AGBL4: variants seen among roughly 807,000 people sequenced by gnomAD.
AGBL4 encodes the protein AGBL carboxypeptidase 4.
A neutral mutation model predicts 66.4 loss-of-function variants in AGBL4; 58 were observed. The observed-to-expected ratio is 0.87, with a 90% CI of 0.71 to 1.09. The LOEUF (loss-of-function observed/expected upper bound fraction) is 1.09, where lower values mean the gene tolerates loss of function less well. AGBL4 is among the 50% of genes least tolerant of loss of function. The pLI, the probability that AGBL4 is intolerant of heterozygous loss-of-function variation, is 0.00. For synonymous variants in AGBL4, 234 were observed against 222.9 expected (o/e 1.05, Z -0.44); for missense variants, 579 against 631.0 (o/e 0.92, Z 0.88).
intron 4 of AGBL4, among the ~76,000 whole-genome samples, chr1:49,210,828 G>C (rs541009060): frequency 6.6e-6 from 1 of 152,200 alleles, no homozygotes; most frequent in South Asian, 2.1e-4. Context: ...CCTGCTGTGA[G>C]TCCTATGTGG....
At chr1:48,874,878 C>G (rs766488783) in intron 5 of AGBL4, among the ~76,000 whole-genome samples, 11 of 152,178 alleles carry the variant, frequency 7.2e-5, no homozygotes, top group South Asian at 2.1e-4. Context: ...TGTGCACCAC[C>G]ACCTTACCTG....
intron 5 of AGBL4, among the ~76,000 whole-genome samples, chr1:48,899,452 G>A (rs1233240929): frequency 4.1e-5 from 6 of 146,430 alleles, no homozygotes; most frequent in African/African-American, 1.3e-4. Context: ...TCTCCTCTAA[G>A]CCGCATTTCC....
chr1:49,766,997 G>C (rs893682418), intron 2 of AGBL4, among the ~76,000 whole-genome samples: 1 of 151,996 alleles, frequency 6.6e-6, no homozygotes, highest in Non-Finnish European at 1.5e-5. Flanking sequence ...AGCCAAACCA[G>C]AACAGTGGGA....
chr1:48,647,473 C>T, intron 8 of AGBL4: 1 of 272,132 alleles, frequency 3.7e-6, no homozygotes. Context: ...CATTAAATAC[C>T]AGTTATTCTG....
In AGBL4 at chr1:50,023,894, A is replaced by T; in HGVS notation, c.-98T>A. The T allele has an allele frequency of 2.2e-6, 3 of 1,349,804 alleles. No individual in the cohort carries two copies. The highest frequency in any genetic ancestry group is 3.0e-6 in the Non-Finnish European group (3 of 1,011,270). The allele number at this position is 1,349,804 out of a possible 1,614,324, so 83.6% of individuals were successfully genotyped here. Reference sequence around the variant, plus strand: ...GGCTGACAGGAGCTACCTCAGGAAGACGCGGCACGACGGTTGCCTGGGCAA... The same window carrying T: ...GGCTGACAGGAGCTACCTCAGGAAGTCGCGGCACGACGGTTGCCTGGGCAA... On this transcript the variant is annotated 5_prime_UTR_variant, in exon 1 of 14. Coordinates refer to ENST00000371839, the MANE Select transcript of AGBL4 (RefSeq NM_032785.4).
At chr1:49,462,792 A>T (rs941704600) in intron 3 of AGBL4, among the ~76,000 whole-genome samples, 5 of 151,732 alleles carry the variant, frequency 3.3e-5, no homozygotes, top group Admixed American at 3.3e-4. Flanking sequence ...AGTGAGTGAT[A>T]GTCTGTTGGA....
intron 4 of AGBL4, among the ~76,000 whole-genome samples, chr1:49,130,048 A>C (rs1645856880): frequency 6.6e-6 from 1 of 152,004 alleles, no homozygotes; most frequent in Admixed American, 6.6e-5. Flanking sequence ...TTTGATTTGC[A>C]TTTCTCTGAT....
chr1:49,873,445 C>A (rs1171498314), intron 1 of AGBL4, among the ~76,000 whole-genome samples: 1 of 151,646 alleles, frequency 6.6e-6, no homozygotes, highest in Non-Finnish European at 1.5e-5. Context: ...ATTCACTATG[C>A]CAAAACAAAA....
chr1:48,760,841 T>C (rs1644219797), intron 6 of AGBL4, among the ~76,000 whole-genome samples: 1 of 152,166 alleles, frequency 6.6e-6, no homozygotes, highest in Admixed American at 6.5e-5. Context: ...GGAGACCAAC[T>C]GGGGCACACA....
At chr1:49,863,560 T>C (rs1250439936) in intron 1 of AGBL4, among the ~76,000 whole-genome samples, 1 of 152,106 alleles carries the variant, frequency 6.6e-6, no homozygotes, top group African/African-American at 2.4e-5. Flanking sequence ...AACAAGAATA[T>C]ATAAGGAGCT....
intron 4 of AGBL4, among the ~76,000 whole-genome samples, chr1:49,052,281 C>G (rs1183685710): frequency 2.6e-5 from 4 of 152,158 alleles, no homozygotes; most frequent in South Asian, 2.1e-4. Flanking sequence ...ATGGTGGCTG[C>G]TGGCAGAATG....
chr1:48,606,501 T>A lies in AGBL4; in HGVS notation c.952-15516A>T, dbSNP rs76307527. On this transcript the variant is annotated intron_variant, in intron 9 of 13. Coordinates refer to ENST00000371839, the MANE Select transcript of AGBL4 (RefSeq NM_032785.4). ...CTGGAATTCAGGAAAAACATCATAG[T>A]AGAAGATGGGAACTCTTGTGCCAAC... Among the ~76,000 whole-genome samples the A allele has an allele frequency of 7.6e-3, 1,162 of 152,282 alleles. 9 individuals carry two copies. The highest frequency in any genetic ancestry group is 0.024 in the African/African-American group (991 of 41,562).
At chr1:48,646,381 A>G (rs2148431571) in intron 8 of AGBL4, among the ~76,000 whole-genome samples, 1 of 152,310 alleles carries the variant, frequency 6.6e-6, no homozygotes, top group East Asian at 1.9e-4. Flanking sequence ...TTATGCTGTT[A>G]CAGAACAAAT....
At chr1:49,479,469 C>CT (rs1180348085) in intron 3 of AGBL4, among the ~76,000 whole-genome samples, 1 of 151,804 alleles carries the variant, frequency 6.6e-6, no homozygotes, top group African/African-American at 2.4e-5. Flanking sequence ...CCTCCACCCT[C>CT]TGATAGGCCC....
intron 6 of AGBL4, chr1:48,727,841 A>G (rs1464930175): frequency 4.5e-6 from 7 of 1,552,768 alleles, no homozygotes; most frequent in African/African-American, 4.1e-5. Flanking sequence ...CGCAAATCAC[A>G]TGCCACACAA....
chr1:49,546,350 T>C (rs1018795342), intron 3 of AGBL4, among the ~76,000 whole-genome samples: 3 of 150,800 alleles, frequency 2.0e-5, no homozygotes, highest in African/African-American at 7.3e-5. Flanking sequence ...TGTATATATG[T>C]ATATATATAT....
At chr1:49,912,443 T>C (rs1178511139) in intron 1 of AGBL4, among the ~76,000 whole-genome samples, 1 of 152,236 alleles carries the variant, frequency 6.6e-6, no homozygotes, top group Non-Finnish European at 1.5e-5. Context: ...TCTAATATTT[T>C]ATAGTATGTA....
chr1:49,941,020 A>T (rs1250897544), intron 1 of AGBL4, among the ~76,000 whole-genome samples: 2 of 152,116 alleles, frequency 1.3e-5, no homozygotes, highest in African/African-American at 4.8e-5. Context: ...AAAGGATCAT[A>T]AAAGAGTACT....
chr1:49,978,056 T>A (rs1162744361), intron 1 of AGBL4, among the ~76,000 whole-genome samples: 1 of 152,208 alleles, frequency 6.6e-6, no homozygotes, highest in Non-Finnish European at 1.5e-5. Flanking sequence ...ATCTTCAAAT[T>A]TGACTGAAAA....
Sources: gnomAD v4.1 joint callset for allele counts (sites outside exome capture counted in the v4.1 genomes callset) on GRCh38, gnomAD v4.1.1 for gene constraint, MANE v1.5 for transcripts, NCBI Gene and HGNC (gene_info 2026-07-23, HGNC 2026-07-21) for gene names.